Variants in PDE4B observed in about 807,000 individuals in gnomAD.
PDE4B encodes the protein 3',5'-cyclic-AMP phosphodiesterase 4B.
A neutral mutation model predicts 82.2 loss-of-function variants in PDE4B; 20 were observed. The ratio of observed to expected loss-of-function variants is 0.24; its 90% CI spans 0.17 to 0.35. The LOEUF (loss-of-function observed/expected upper bound fraction) is 0.35, where lower values mean the gene tolerates loss of function less well. Ranked by LOEUF, PDE4B falls within the 10% of genes least tolerant of loss-of-function variation. PDE4B has a pLI of 1.00. For missense variants in PDE4B, 655 were observed against 907.2 expected (o/e 0.72, Z 3.57); for synonymous variants, 320 against 318.9 (o/e 1.00, Z -0.04).
At chr1:66,357,042 G>T (rs759087781) in intron 9 of PDE4B, among the ~76,000 whole-genome samples, 4 of 152,166 alleles carry the variant, frequency 2.6e-5, no homozygotes, top group Non-Finnish European at 5.9e-5. Context: ...AATGCCCAAC[G>T]ATTTTTCATT....
intron 3 of PDE4B, among the ~76,000 whole-genome samples, chr1:65,955,238 G>A (rs1649195313): frequency 2.0e-5 from 3 of 152,046 alleles, no homozygotes; most frequent in African/African-American, 7.2e-5. Context: ...TTTCAGCACA[G>A]TCCCGTAAAC....
In PDE4B at chr1:66,036,678, G is replaced by T. The variant is rs148326971; in HGVS notation, c.281+117843G>T. ...TCTCTGTCCTATACCATTAGTTGAG[G>T]TGTCTGTTTTTACGCCAATATCATG... is the stretch of plus-strand genomic sequence containing the variant. On this transcript the variant is annotated intron_variant, in intron 3 of 16. Coordinates refer to ENST00000341517, the MANE Select transcript of PDE4B (RefSeq NM_002600.4). 3.0e-4 allele frequency among the ~76,000 whole-genome samples: 46 copies of T among 152,216 alleles called. 3 individuals carry two copies. In the East Asian group the frequency reaches 8.1e-3, roughly 27 times the overall value.
intron 3 of PDE4B, among the ~76,000 whole-genome samples, chr1:66,128,059 A>C (rs1215534095): frequency 6.6e-6 from 1 of 152,154 alleles, no homozygotes; most frequent in Non-Finnish European, 1.5e-5. Context: ...GGTTTTATTG[A>C]GCATTATTTC....
At chr1:66,201,551 A>T (rs1570456768) in intron 3 of PDE4B, among the ~76,000 whole-genome samples, 1 of 150,376 alleles carries the variant, frequency 6.6e-6, no homozygotes, top group Admixed American at 6.6e-5. Flanking sequence ...CAAAGATTTA[A>T]CTTCTTCTTT....
chr1:65,892,648 C>G (rs1192231668), intron 1 of PDE4B, among the ~76,000 whole-genome samples: 2 of 152,060 alleles, frequency 1.3e-5, no homozygotes, highest in Non-Finnish European at 2.9e-5. Flanking sequence ...TGCTATAGGT[C>G]TCTCTTCTTC....
chr1:66,047,008 A>G (rs767226047), intron 3 of PDE4B, among the ~76,000 whole-genome samples: 35 of 152,008 alleles, frequency 2.3e-4, no homozygotes, highest in Non-Finnish European at 3.7e-4. Context: ...AATAAATAGG[A>G]TTTTATAAAT....
intron 3 of PDE4B, chr1:66,152,431 GGCA>G: frequency 8.7e-6 from 2 of 229,974 alleles, no homozygotes; most frequent in South Asian, 5.4e-5. Flanking sequence ...CACTGGCTGT[GGCA>G]GCAGCAGCAC....
chr1:66,107,620 A>T (rs1262176298), intron 3 of PDE4B, among the ~76,000 whole-genome samples: 1 of 152,030 alleles, frequency 6.6e-6, no homozygotes, highest in East Asian at 1.9e-4. Context: ...CAGAAATAAC[A>T]TATTGTTATG....
At chr1:65,981,407 A>G (rs1343395339) in intron 3 of PDE4B, among the ~76,000 whole-genome samples, 1 of 152,148 alleles carries the variant, frequency 6.6e-6, no homozygotes, top group African/African-American at 2.4e-5. Context: ...TGCTTATTCA[A>G]ATTGCTTTGT....
chr1:66,260,269 A>G (rs1335370912), intron 6 of PDE4B, among the ~76,000 whole-genome samples: 1 of 152,208 alleles, frequency 6.6e-6, no homozygotes, highest in African/African-American at 2.4e-5. Flanking sequence ...TGGGCAACAG[A>G]GTTTTCCTTG....
chr1:66,371,386 TTCTC>T (rs2050777163), intron 16 of PDE4B, among the ~76,000 whole-genome samples: 1 of 151,608 alleles, frequency 6.6e-6, no homozygotes, highest in Non-Finnish European at 1.5e-5. Flanking sequence ...TGCCTGTTCT[TTCTC>T]TCTACTTGTC....
intron 3 of PDE4B, among the ~76,000 whole-genome samples, chr1:65,955,784 G>T (rs375777742): frequency 3.4e-4 from 51 of 152,166 alleles, no homozygotes; most frequent in African/African-American, 1.2e-3. Flanking sequence ...TCATTTATAG[G>T]GTTACGTGCT....
intron 7 of PDE4B, among the ~76,000 whole-genome samples, chr1:66,297,346 C>T (rs1657584304): frequency 6.6e-6 from 1 of 152,064 alleles, no homozygotes; most frequent in African/African-American, 2.4e-5. Context: ...TTATAAGTAA[C>T]TTATTGTGCT....
rs1056096122 is a variant in PDE4B at position 65,973,988 on chromosome 1, T to A, written c.281+55153T>A. 7.2e-5 allele frequency among the ~76,000 whole-genome samples: 11 copies of A among 152,108 alleles called. No individual in the cohort carries two copies. In the East Asian group the frequency reaches 1.9e-3, roughly 27 times the overall value. On this transcript the variant is annotated intron_variant, in intron 3 of 16. Transcript: ENST00000341517. ...CCACCATGCCCAGCTAATTTTTGGA[T>A]TTTTAGTAGAGATGGAGTTTTGCCA...
At chr1:65,903,733 G>A (rs1405361003) in intron 1 of PDE4B, among the ~76,000 whole-genome samples, 1 of 152,122 alleles carries the variant, frequency 6.6e-6, no homozygotes, top group Non-Finnish European at 1.5e-5. Context: ...ATTACCACAT[G>A]AGTTTCAGCC....
intron 3 of PDE4B, among the ~76,000 whole-genome samples, chr1:66,188,662 G>C (rs1262851468): frequency 1.3e-5 from 2 of 151,600 alleles, no homozygotes; most frequent in Non-Finnish European, 2.9e-5. Context: ...TGCAACCCCT[G>C]CCTTTTTTGT....
At chr1:65,939,005 G>A (rs1198328393) in intron 3 of PDE4B, among the ~76,000 whole-genome samples, 1 of 152,140 alleles carries the variant, frequency 6.6e-6, no homozygotes, top group Non-Finnish European at 1.5e-5. Flanking sequence ...GTCCAAGTGA[G>A]CAATGACAAT....
chr1:66,126,748 T>C (rs1645832049), intron 3 of PDE4B, among the ~76,000 whole-genome samples: 1 of 152,204 alleles, frequency 6.6e-6, no homozygotes, highest in Non-Finnish European at 1.5e-5. Flanking sequence ...GACAGATATG[T>C]CTATAGTGAT....
chr1:65,816,376 T>G (rs139178792), intron 1 of PDE4B, among the ~76,000 whole-genome samples: 1 of 152,292 alleles, frequency 6.6e-6, no homozygotes, highest in Non-Finnish European at 1.5e-5. Context: ...AGGTTGCTGC[T>G]ACCGAATTGA....
Sources: gnomAD v4.1 joint callset for allele counts (sites outside exome capture counted in the v4.1 genomes callset) on GRCh38, gnomAD v4.1.1 for gene constraint, MANE v1.5 for transcripts, NCBI Gene and HGNC (gene_info 2026-07-23, HGNC 2026-07-21) for gene names.